The following DDC variants were observed in gnomAD, a reference collection of about 807,000 sequenced individuals.
The protein encoded by DDC is aromatic-L-amino-acid decarboxylase.
DDC carries 43 observed loss-of-function variants against 60.0 expected under a neutral mutation model. The observed-to-expected ratio is 0.72, with a 90% CI of 0.56 to 0.92. The LOEUF is 0.92. Among genes scored for constraint, DDC ranks in the 40% least tolerant of loss-of-function variants. The probability of loss-of-function intolerance (pLI) is 0.00; values close to 1 mark genes in which losing one functional copy is unlikely to be tolerated. For missense variants in DDC, 573 were observed against 620.2 expected (o/e 0.92, Z 0.81); for synonymous variants, 232 against 234.6 (o/e 0.99, Z 0.10).
At chr7:50,534,078 G>C (rs2044308377) in intron 4 of DDC, among the ~76,000 whole-genome samples, 1 of 152,206 alleles carries the variant, frequency 6.6e-6, no homozygotes, top group African/African-American at 2.4e-5. Flanking sequence ...AACATTTATT[G>C]TTCCCCTTTC....
intron 11 of DDC, among the ~76,000 whole-genome samples, chr7:50,471,101 G>A (rs1280103623): frequency 6.6e-6 from 1 of 152,172 alleles, no homozygotes; most frequent in Non-Finnish European, 1.5e-5. Flanking sequence ...TTTTTAAAGT[G>A]TGGGTGAAGG....
Position 50,489,326 on chromosome 7 carries a change from C to T in DDC, c.944+6024G>A, listed in dbSNP as rs376994800. Among the ~76,000 whole-genome samples, 21 of 152,220 alleles carry T rather than the reference C, an allele frequency of 1.4e-4. No homozygotes were observed. In the East Asian group the frequency reaches 3.9e-3, roughly 28 times the overall value. On this transcript the variant is annotated intron_variant, in intron 9 of 14. Transcript: ENST00000444124. ...GCAGCCTAAAGCAAATGCTTTCTTC[C>T]TATATTATTCTCTAAATTCTTCTAT... is the stretch of plus-strand genomic sequence containing the variant.
At chr7:50,518,744 T>A (rs2043808165) in intron 6 of DDC, among the ~76,000 whole-genome samples, 2 of 152,218 alleles carry the variant, frequency 1.3e-5, no homozygotes, top group Admixed American at 6.5e-5. Flanking sequence ...CAACTCAAGA[T>A]GGATTGAGGA....
At chr7:50,520,170 A>G (rs1489445913) in intron 6 of DDC, among the ~76,000 whole-genome samples, 3 of 152,248 alleles carry the variant, frequency 2.0e-5, no homozygotes, top group Non-Finnish European at 4.4e-5. Context: ...ACCATCAATT[A>G]ACTGGATCAA....
intron 6 of DDC, among the ~76,000 whole-genome samples, chr7:50,518,421 GC>G (rs2043797688): frequency 6.6e-6 from 1 of 152,048 alleles, no homozygotes; most frequent in South Asian, 2.1e-4. Flanking sequence ...AAAAGAGCCA[GC>G]ATAGTCAAAG....
intron 10 of DDC, among the ~76,000 whole-genome samples, chr7:50,477,813 C>T (rs1482190798): frequency 6.6e-6 from 1 of 152,164 alleles, no homozygotes; most frequent in African/African-American, 2.4e-5. Context: ...GTTAAACAAA[C>T]ATAACATCAA....
chr7:50,524,656 T>C (rs1309061669), intron 6 of DDC, among the ~76,000 whole-genome samples: 2 of 152,098 alleles, frequency 1.3e-5, no homozygotes, highest in Non-Finnish European at 2.9e-5. Context: ...AAATAAAAAA[T>C]AGTGACAATA....
intron 5 of DDC, among the ~76,000 whole-genome samples, chr7:50,528,485 T>C (rs550574591): frequency 3.9e-5 from 6 of 152,318 alleles, no homozygotes; most frequent in African/African-American, 1.4e-4. Flanking sequence ...TCCTGTGGAA[T>C]CTTGCTTTTA....
intron 1 of DDC, among the ~76,000 whole-genome samples, chr7:50,551,076 A>G (rs1257332174): frequency 6.6e-6 from 1 of 152,232 alleles, no homozygotes; most frequent in African/African-American, 2.4e-5. Flanking sequence ...ATTTATTTAG[A>G]ACAAATTCTT....
intron 6 of DDC, among the ~76,000 whole-genome samples, chr7:50,515,514 C>T (rs999459186): frequency 3.3e-5 from 5 of 151,954 alleles, no homozygotes; most frequent in African/African-American, 1.2e-4. Context: ...AAAGCAAAAA[C>T]AAAAAACAAA....
At chr7:50,552,444 G>T (rs1335954491) in intron 1 of DDC, among the ~76,000 whole-genome samples, 1 of 152,206 alleles carries the variant, frequency 6.6e-6, no homozygotes, top group East Asian at 1.9e-4. Flanking sequence ...TGCATTGCCT[G>T]TGCACGGTGA....
Position 50,470,126 on chromosome 7 carries a change from A to G in DDC, c.1087T>C (p.Trp363Arg), listed in dbSNP as rs1277311939. 3 of 1,613,818 alleles carry G rather than the reference A, an allele frequency of 1.9e-6. No individual in the cohort carries two copies. Among genetic ancestry groups the G allele is most frequent in the Non-Finnish European group, 2.5e-6 (3 of 1,179,714 alleles). Residue 363 changes from tryptophan to arginine, a missense_variant, in exon 12 of 15, where the codon TGG becomes CGG. Trp to Arg is a moderately radical substitution (Grantham distance 101). Coordinates refer to ENST00000444124, the MANE Select transcript of DDC (RefSeq NM_001082971.2). ...ACTCCATACATCCTAAATACAAACC[A>G]CATTTTCAAAGAGCGAAATCTTCTG... ...LGRRFRSLKM[W>R]FVFRMYGVKG...
At chr7:50,550,892 A>T (rs2044971854) in intron 1 of DDC, among the ~76,000 whole-genome samples, 1 of 152,252 alleles carries the variant, frequency 6.6e-6, no homozygotes, top group African/African-American at 2.4e-5. Context: ...TGCCCGTAAT[A>T]CCTTGAAGAA....
At chr7:50,476,029 G>A (rs2153535448) in intron 11 of DDC, among the ~76,000 whole-genome samples, 1 of 152,212 alleles carries the variant, frequency 6.6e-6, no homozygotes, top group South Asian at 2.1e-4. Context: ...CCAGCTCAGT[G>A]GCCACACCTC....
intron 5 of DDC, 100 bp downstream of exon 5, chr7:50,529,108 C>T (rs1386204516): frequency 6.6e-7 from 1 of 1,518,212 alleles, no homozygotes; most frequent in African/African-American, 1.4e-5. Flanking sequence ...AGGAACTGTT[C>T]TTAGATTTGG....
At chr7:50,553,680 T>C (rs1041418680) in intron 1 of DDC, among the ~76,000 whole-genome samples, 1 of 151,660 alleles carries the variant, frequency 6.6e-6, no homozygotes, top group Non-Finnish European at 1.5e-5. Flanking sequence ...AGAGATGGGG[T>C]TTTACCTTAT....
At chr7:50,469,231 A>C (rs1585139616) in intron 12 of DDC, among the ~76,000 whole-genome samples, 1 of 137,496 alleles carries the variant, frequency 7.3e-6, no homozygotes, top group African/African-American at 2.7e-5. Context: ...TGCGTGAGCC[A>C]CCACACCCAG....
intron 11 of DDC, among the ~76,000 whole-genome samples, chr7:50,474,445 G>A (rs1010285242): frequency 5.3e-5 from 8 of 152,220 alleles, no homozygotes; most frequent in African/African-American, 7.2e-5. Context: ...GAGCCCTGAG[G>A]ACTGGAAGGC....
intron 13 of DDC, among the ~76,000 whole-genome samples, chr7:50,464,587 A>T (rs1006317997): frequency 2.6e-5 from 4 of 152,252 alleles, no homozygotes; most frequent in Non-Finnish European, 4.4e-5. Context: ...GAAGCAAATT[A>T]TTTAGGAAAA....
Sources: allele counts gnomAD v4.1 joint callset (sites outside exome capture counted in the v4.1 genomes callset), GRCh38; gene constraint gnomAD v4.1.1; transcripts MANE v1.5; gene names NCBI Gene and HGNC (gene_info 2026-07-23, HGNC 2026-07-21).